HECW2: variants seen among roughly 807,000 people sequenced by gnomAD.
HECW2 encodes the protein E3 ubiquitin-protein ligase HECW2.
HECW2 carries 61 observed loss-of-function variants against 175.2 expected under a neutral mutation model. That is an observed-to-expected ratio of 0.35 (90% confidence interval 0.28 to 0.43). The LOEUF is 0.43. Ranked by LOEUF, HECW2 falls within the 20% of genes least tolerant of loss-of-function variation. The pLI is 1.00. For synonymous variants in HECW2, 671 were observed against 731.0 expected (o/e 0.92, Z 1.32); for missense variants, 1,524 against 2,000.5 (o/e 0.76, Z 4.54).
At chr2:196,257,636 G>A in intron 18 of HECW2, 187 bp downstream of exon 18, 1 of 582,318 alleles carries the variant, frequency 1.7e-6, no homozygotes, top group Non-Finnish European at 3.0e-6. Flanking sequence ...AGATCTCAGT[G>A]TAACAAATGG....
chr2:196,552,089 G>C (rs1689617669), intron 1 of HECW2, among the ~76,000 whole-genome samples: 1 of 152,160 alleles, frequency 6.6e-6, no homozygotes, highest in African/African-American at 2.4e-5. Flanking sequence ...TACAGGTAAA[G>C]AGGAAACAAG....
rs1447772401 is a variant in HECW2 at position 196,319,367 on chromosome 2, A to G, written c.1523T>C (p.Leu508Pro). Reference sequence around the variant, plus strand: ...CTCATTCTCAACAGGGTTGTCCTCCAGCTTTGTCTGAGATGTCAGGCTTCC... The same window carrying G: ...CTCATTCTCAACAGGGTTGTCCTCCGGCTTTGTCTGAGATGTCAGGCTTCC... Reference protein sequence around the residue: ...DDGSLTSQTKLEDNPVENEEA... With the variant: ...DDGSLTSQTKPEDNPVENEEA... Residue 508 changes from leucine to proline, a missense_variant, in exon 9 of 29, where the codon CTG becomes CCG. Physicochemically the swap from Leu to Pro is moderately conservative, Grantham distance 98. Transcript: ENST00000644978. 12 of 1,614,052 alleles carry G rather than the reference A, an allele frequency of 7.4e-6. No individual in the cohort carries two copies. The highest frequency in any genetic ancestry group is 1.0e-5 in the Non-Finnish European group (12 of 1,180,022).
chr2:196,515,102 G>A (rs544008500), intron 1 of HECW2, among the ~76,000 whole-genome samples: 29 of 152,286 alleles, frequency 1.9e-4, no homozygotes, highest in Admixed American at 1.2e-3. Flanking sequence ...TTGTCCAGAC[G>A]CAGGTGCCTG....
At chr2:196,321,816 C>T (rs1176217751) in intron 7 of HECW2, among the ~76,000 whole-genome samples, 1 of 152,172 alleles carries the variant, frequency 6.6e-6, no homozygotes, top group African/African-American at 2.4e-5. Flanking sequence ...ACTCTTTGCT[C>T]CACTGTACAG....
chr2:196,221,481 T>C (rs1375386962), intron 24 of HECW2, among the ~76,000 whole-genome samples: 4 of 152,166 alleles, frequency 2.6e-5, no homozygotes, highest in Non-Finnish European at 4.4e-5. Context: ...AAAAAATTAA[T>C]ATATTCTGTT....
intron 1 of HECW2, among the ~76,000 whole-genome samples, chr2:196,473,438 A>G (rs1197871608): frequency 6.6e-6 from 1 of 152,234 alleles, no homozygotes; most frequent in Non-Finnish European, 1.5e-5. Flanking sequence ...TCAAAGTGCA[A>G]GGTCTAAAAA....
Position 196,294,911 on chromosome 2 carries a change from G to A in HECW2, c.2815-2161C>T, listed in dbSNP as rs1037583324. ...TTGTTAGCTTAAGCCACTGAGATTTGTTGGTCATTATTATTGAAGTATAAC... is the reference window on the plus strand; with the variant it reads ...TTGTTAGCTTAAGCCACTGAGATTTATTGGTCATTATTATTGAAGTATAAC... On this transcript the variant is annotated intron_variant, in intron 13 of 28. Transcript: ENST00000644978. Among the ~76,000 whole-genome samples, 4 of 152,238 alleles carry A rather than the reference G, an allele frequency of 2.6e-5. No homozygotes were observed. In the East Asian group the frequency reaches 7.7e-4, roughly 29 times the overall value.
chr2:196,448,955 T>C (rs1338591592), intron 1 of HECW2, among the ~76,000 whole-genome samples: 1 of 152,216 alleles, frequency 6.6e-6, no homozygotes. Context: ...TTTGGATGTC[T>C]CCTTGAGTCA....
At chr2:196,558,785 T>C (rs1322742739) in intron 1 of HECW2, among the ~76,000 whole-genome samples, 2 of 152,246 alleles carry the variant, frequency 1.3e-5, no homozygotes, top group Non-Finnish European at 2.9e-5. Flanking sequence ...AAGATGATGC[T>C]TACCTGGCAA....
intron 21 of HECW2, among the ~76,000 whole-genome samples, chr2:196,236,681 C>G (rs745669355): frequency 5.3e-5 from 8 of 152,158 alleles, no homozygotes; most frequent in Non-Finnish European, 1.0e-4. Context: ...GGTAAGGTAT[C>G]TTGTACAATG....
At chr2:196,395,210 CA>C (rs1475844367) in intron 2 of HECW2, among the ~76,000 whole-genome samples, 2 of 152,026 alleles carry the variant, frequency 1.3e-5, no homozygotes, top group African/African-American at 4.8e-5. Flanking sequence ...AAAATTAATT[CA>C]AAAATGGGTC....
At chr2:196,272,022 C>T (rs931796737) in intron 16 of HECW2, among the ~76,000 whole-genome samples, 1 of 152,054 alleles carries the variant, frequency 6.6e-6, no homozygotes. Context: ...TTTAAACTTA[C>T]GAAAATCAGC....
intron 14 of HECW2, chr2:196,291,469 G>C (rs190696170): frequency 6.6e-6 from 1 of 152,260 alleles, no homozygotes; most frequent in East Asian, 1.9e-4. Context: ...CAAAGTAGTT[G>C]GCTTACCTGT....
intron 3 of HECW2, among the ~76,000 whole-genome samples, chr2:196,338,282 T>C (rs1307205868): frequency 2.0e-5 from 3 of 152,190 alleles, no homozygotes; most frequent in Non-Finnish European, 2.9e-5. Context: ...AAAAGAAGAA[T>C]ACATTTCTGG....
intron 1 of HECW2, among the ~76,000 whole-genome samples, chr2:196,479,104 A>G (rs1037136613): frequency 2.0e-5 from 3 of 152,236 alleles, no homozygotes; most frequent in African/African-American, 4.8e-5. Flanking sequence ...GAAGTGGTGC[A>G]GAAAATTGAT....
At chr2:196,347,868 T>C (rs999198327) in intron 2 of HECW2, among the ~76,000 whole-genome samples, 9 of 152,272 alleles carry the variant, frequency 5.9e-5, no homozygotes, top group Admixed American at 5.9e-4. Context: ...TGATAATTCA[T>C]TATCCTTGAC....
chr2:196,482,248 G>A (rs1324857630), intron 1 of HECW2, among the ~76,000 whole-genome samples: 1 of 152,216 alleles, frequency 6.6e-6, no homozygotes, highest in African/African-American at 2.4e-5. Context: ...GCATAAGTGT[G>A]CAACCCATCA....
At chr2:196,432,194 C>T (rs1184241058) in intron 2 of HECW2, among the ~76,000 whole-genome samples, 1 of 151,936 alleles carries the variant, frequency 6.6e-6, no homozygotes, top group Non-Finnish European at 1.5e-5. Flanking sequence ...CTAAGAAGTA[C>T]TGCCATAAAC....
At chr2:196,413,493 G>A (rs1220903341) in intron 2 of HECW2, among the ~76,000 whole-genome samples, 3 of 152,032 alleles carry the variant, frequency 2.0e-5, no homozygotes, top group South Asian at 4.2e-4. Context: ...TTACAGGCAC[G>A]CACCACCATG....
Sources: gnomAD v4.1 joint callset for allele counts (sites outside exome capture counted in the v4.1 genomes callset) on GRCh38, gnomAD v4.1.1 for gene constraint, MANE v1.5 for transcripts, NCBI Gene and HGNC (gene_info 2026-07-23, HGNC 2026-07-21) for gene names.